TENT5C: variants seen among roughly 807,000 people sequenced by gnomAD.
TENT5C encodes terminal nucleotidyltransferase 5C, also known as family with sequence similarity 46 member C.
In TENT5C, 5 loss-of-function variants were observed where a neutral mutation model predicts 22.2. The ratio of observed to expected loss-of-function variants is 0.22; its 90% CI spans 0.12 to 0.47. The LOEUF (loss-of-function observed/expected upper bound fraction) is 0.47, where lower values mean the gene tolerates loss of function less well. Among genes scored for constraint, TENT5C ranks in the 20% least tolerant of loss-of-function variants. The pLI, the probability that TENT5C is intolerant of heterozygous loss-of-function variation, is 0.99. For synonymous variants in TENT5C, 199 were observed against 195.4 expected (o/e 1.02, Z -0.15); for missense variants, 364 against 500.9 (o/e 0.73, Z 2.61).
In TENT5C at chr1:117,624,085, G is replaced by C; in HGVS notation, c.*41G>C. ...GTTTCCACAGTGGGAACCCCAATAG[G>C]GCTAGGGCTCTCAGGTAGGGGAGCC... On this transcript the variant is annotated 3_prime_UTR_variant, in exon 2 of 2. Coordinates refer to ENST00000369448, the MANE Select transcript of TENT5C (RefSeq NM_017709.4). 1 of 1,529,354 alleles carries C rather than the reference G, an allele frequency of 6.5e-7. No homozygotes were observed. Among genetic ancestry groups the C allele is most frequent in the Non-Finnish European group, 8.9e-7 (1 of 1,127,460 alleles). The allele number at this position is 1,529,354 out of a possible 1,614,324, so 94.7% of individuals were successfully genotyped here.
rs1239061438 is a variant in TENT5C at position 117,627,631 on chromosome 1, A to G, written c.*3587A>G. On this transcript the variant is annotated 3_prime_UTR_variant, in exon 2 of 2. Transcript: ENST00000369448. ...AACCTTCTGGGTGGACTTTGTAAGA[A>G]TCCAGTTTCCAAGGTTAGATTCACA... 8.1e-6 allele frequency: 2 copies of G among 248,014 alleles called. No individual in the cohort carries two copies. Among genetic ancestry groups the G allele is most frequent in the African/African-American group, 2.2e-5 (1 of 45,334 alleles). 15.4% of individuals were successfully genotyped at this position (248,014 alleles called of 1,614,324 possible).
At chr1:117,606,498 G>A (rs926304864) in intron 1 of TENT5C, among the ~76,000 whole-genome samples, 4 of 152,212 alleles carry the variant, frequency 2.6e-5, no homozygotes, top group Non-Finnish European at 5.9e-5. Context: ...GGCCAGGCGC[G>A]GGCAGGGCGT....
chr1:117,618,224 G>A (rs1344819727), intron 1 of TENT5C, among the ~76,000 whole-genome samples: 2 of 152,154 alleles, frequency 1.3e-5, no homozygotes, highest in African/African-American at 4.8e-5. Flanking sequence ...TGAAAAAAGT[G>A]TTTGTTAAAG....
chr1:117,622,857 C>T lies in TENT5C; in HGVS notation c.-12C>T, dbSNP rs749715031. 2.5e-6 allele frequency: 4 copies of T among 1,601,168 alleles called. No individual in the cohort carries two copies. The highest frequency in any genetic ancestry group is 3.3e-5 in the Admixed American group (2 of 59,800). On this transcript the variant is annotated 5_prime_UTR_variant, in exon 2 of 2. Coordinates refer to ENST00000369448, the MANE Select transcript of TENT5C (RefSeq NM_017709.4). ...TCACTTTCAGTTTCCCCAGCCAGAA[C>T]ATCCCCTGAAGATGGCAGAGGAGAG...
intron 1 of TENT5C, among the ~76,000 whole-genome samples, chr1:117,618,261 C>A (rs1653827463): frequency 6.6e-6 from 1 of 151,992 alleles, no homozygotes; most frequent in Admixed American, 6.5e-5. Context: ...CAGCAACCAA[C>A]TTAACAGTAT....
At chr1:117,612,257 G>T (rs946143347) in intron 1 of TENT5C, among the ~76,000 whole-genome samples, 1 of 152,000 alleles carries the variant, frequency 6.6e-6, no homozygotes, top group Admixed American at 6.5e-5. Flanking sequence ...AGGAAAGTCA[G>T]TTATGGCCAA....
Position 117,623,253 on chromosome 1 carries a change from A to T in TENT5C, c.385A>T (p.Ile129Phe), listed in dbSNP as rs1653938938. The T allele has an allele frequency of 6.2e-7, 1 of 1,613,986 alleles. No homozygotes were observed. Among genetic ancestry groups the T allele is most frequent in the Non-Finnish European group, 8.5e-7 (1 of 1,180,016 alleles). Reference protein sequence around the residue: ...FLPEGVNKLKISPVTLKEAYV... With the variant: ...FLPEGVNKLKFSPVTLKEAYV... ...GCCAGAGGGTGTGAACAAGCTCAAA[A>T]TCAGTCCAGTCACTCTGAAGGAGGC... Residue 129 changes from isoleucine (I) to phenylalanine (F), a missense_variant, in exon 2 of 2, where the codon ATC (isoleucine) becomes TTC (phenylalanine). Coordinates refer to ENST00000369448, the MANE Select transcript of TENT5C (RefSeq NM_017709.4).
chr1:117,608,677 A>C (rs942572841), intron 1 of TENT5C, among the ~76,000 whole-genome samples: 26 of 151,840 alleles, frequency 1.7e-4, no homozygotes, highest in African/African-American at 6.3e-4. Flanking sequence ...CCTTGTCTTC[A>C]TCTTTTGTCT....
At chr1:117,618,880 T>G (rs552719789) in intron 1 of TENT5C, among the ~76,000 whole-genome samples, 2 of 152,362 alleles carry the variant, frequency 1.3e-5, no homozygotes, top group African/African-American at 4.8e-5. Context: ...ACAGTTTTGC[T>G]GTTAGCAGTT....
chr1:117,625,849 C>T lies in TENT5C; in HGVS notation c.*1805C>T, dbSNP rs1486442273. On this transcript the variant is annotated 3_prime_UTR_variant, in exon 2 of 2. Coordinates refer to ENST00000369448, the MANE Select transcript of TENT5C (RefSeq NM_017709.4). ...CTTAGCTGGTATCTATGTTGTGCTACATTAGGTGACTAGAAGCCACTTCTT... is the reference window on the plus strand; with the variant it reads ...CTTAGCTGGTATCTATGTTGTGCTATATTAGGTGACTAGAAGCCACTTCTT... 2.0e-5 allele frequency: 5 copies of T among 248,018 alleles called. No individual in the cohort carries two copies. The highest frequency in any genetic ancestry group is 1.1e-4 in the African/African-American group (5 of 45,444). 15.4% of individuals were successfully genotyped at this position (248,018 alleles called of 1,614,324 possible).
In TENT5C at chr1:117,628,116, T is replaced by C. The variant is rs1335459371; in HGVS notation, c.*4072T>C. On this transcript the variant is annotated 3_prime_UTR_variant, in exon 2 of 2. Coordinates refer to ENST00000369448, the MANE Select transcript of TENT5C (RefSeq NM_017709.4). Reference sequence around the variant, plus strand: ...TTTTAATGGATAAAAATGTAATTTTTCTAAGGTAGCAACTTATTTCCAAAT... The same window carrying C: ...TTTTAATGGATAAAAATGTAATTTTCCTAAGGTAGCAACTTATTTCCAAAT... The C allele has an allele frequency of 8.1e-6, 2 of 247,958 alleles. No homozygotes were observed. Among genetic ancestry groups the C allele is most frequent in the Non-Finnish European group, 1.7e-5 (2 of 118,090 alleles). The allele number at this position is 247,958 out of a possible 1,614,324, so 15.4% of individuals were successfully genotyped here. A position where few individuals can be genotyped will look rare whatever the true frequency, so the allele number is the denominator to read the frequency against.
chr1:117,627,148 G>GCTTA lies in TENT5C; in HGVS notation c.*3105_*3108dup, dbSNP rs1337228383. ...GGGTGAGTTGGGTAAGGAAGATGAT[G>GCTTA]CTTAGTTCCTGATAGATGCTACAGA... is the stretch of plus-strand genomic sequence containing the variant. On this transcript the variant is annotated 3_prime_UTR_variant, in exon 2 of 2. Coordinates refer to ENST00000369448, the MANE Select transcript of TENT5C (RefSeq NM_017709.4). 4 of 248,088 alleles carry GCTTA rather than the reference G, an allele frequency of 1.6e-5. No individual in the cohort carries two copies. Among genetic ancestry groups the GCTTA allele is most frequent in the Non-Finnish European group, 3.4e-5 (4 of 118,128 alleles). The allele number at this position is 248,088 out of a possible 1,614,324, so 15.4% of individuals were successfully genotyped here.
intron 1 of TENT5C, among the ~76,000 whole-genome samples, chr1:117,611,537 A>G (rs2101073593): frequency 6.6e-6 from 1 of 152,338 alleles, no homozygotes; most frequent in East Asian, 1.9e-4. Flanking sequence ...GTCCCATTAA[A>G]GAGTAGAAGT....
chr1:117,619,119 A>C (rs751745747), intron 1 of TENT5C, among the ~76,000 whole-genome samples: 4 of 152,226 alleles, frequency 2.6e-5, no homozygotes, highest in Non-Finnish European at 5.9e-5. Context: ...TCTCCAATGA[A>C]TATTTTGTGT....
chr1:117,606,497 C>A (rs1653538219), intron 1 of TENT5C, among the ~76,000 whole-genome samples: 1 of 152,212 alleles, frequency 6.6e-6, no homozygotes, highest in African/African-American at 2.4e-5. Context: ...TGGCCAGGCG[C>A]GGGCAGGGCG....
chr1:117,623,774 C>T lies in TENT5C; in HGVS notation c.906C>T (p.Ser302=), dbSNP rs368554064. ...LQNHFAEEER[S]KYDYLMILRR... ...ACCACTTCGCTGAAGAAGAGAGAAG[C>T]AAGTACGACTACCTCATGATCCTTC... Residue 302 remains serine (S), a synonymous_variant, in exon 2 of 2, where the codon AGC becomes AGT. Transcript: ENST00000369448. 10 of 1,614,064 alleles carry T rather than the reference C, an allele frequency of 6.2e-6. No individual in the cohort carries two copies. Among genetic ancestry groups the T allele is most frequent in the Non-Finnish European group, 7.6e-6 (9 of 1,180,048 alleles).
Position 117,627,205 on chromosome 1 carries a change from T to A in TENT5C, c.*3161T>A, listed in dbSNP as rs561955482. 1 of 248,186 alleles carries A rather than the reference T, an allele frequency of 4.0e-6. No individual in the cohort carries two copies. Among genetic ancestry groups the A allele is most frequent in the African/African-American group, 2.2e-5 (1 of 45,464 alleles). 15.4% of individuals were successfully genotyped at this position (248,186 alleles called of 1,614,324 possible). On this transcript the variant is annotated 3_prime_UTR_variant, in exon 2 of 2. Transcript: ENST00000369448. ...TTGGCATTTCAGTTTTTGTCCAGTT[T>A]GATTTTCACTGGGGTTTGAGTCACA...
intron 1 of TENT5C, among the ~76,000 whole-genome samples, chr1:117,611,523 A>G (rs576275927): frequency 6.6e-6 from 1 of 152,324 alleles, no homozygotes; most frequent in Admixed American, 6.5e-5. Context: ...TTAACTTCCT[A>G]GTAGTCCCAT....
intron 1 of TENT5C, among the ~76,000 whole-genome samples, chr1:117,610,797 G>A (rs191467013): frequency 1.2e-4 from 19 of 152,344 alleles, no homozygotes; most frequent in East Asian, 3.9e-4. Context: ...AAAATGCTGG[G>A]ATTACAGGTG....
Sources: allele counts gnomAD v4.1 joint callset (sites outside exome capture counted in the v4.1 genomes callset), GRCh38; gene constraint gnomAD v4.1.1; transcripts MANE v1.5; gene names NCBI Gene and HGNC (gene_info 2026-07-23, HGNC 2026-07-21).